MATN4: variants seen among roughly 807,000 people sequenced by gnomAD.
MATN4 encodes the protein matrilin-4.
MATN4 carries 40 observed loss-of-function variants against 54.6 expected under a neutral mutation model. That is an observed-to-expected ratio of 0.73 (90% CI 0.57 to 0.95). MATN4 has a LOEUF of 0.95. MATN4 is among the 40% of genes least tolerant of loss of function. The pLI, the probability that MATN4 is intolerant of heterozygous loss-of-function variation, is 0.00. For missense variants in MATN4, 810 were observed against 819.1 expected, an observed-to-expected ratio of 0.99 and a Z score of 0.13; for synonymous variants, 351 against 345.3, an observed-to-expected ratio of 1.02 and a Z score of -0.18.
chr20:45,300,861 A>G, intron 6 of MATN4, 26 bp downstream of exon 6: 2 of 1,610,804 alleles, frequency 1.2e-6, no homozygotes, highest in Non-Finnish European at 1.7e-6. Context: ...AGAAGCCAAC[A>G]GAACACCCTC....
At chr20:45,301,591 G>A in intron 3 of MATN4, 148 bp from the exon 4 acceptor site, 1 of 780,518 alleles carries the variant, frequency 1.3e-6, no homozygotes, top group East Asian at 2.7e-5. Flanking sequence ...CTGTCCTCAA[G>A]ATGCTCTCTG....
chr20:45,306,998 ACCACCCCC>A, intron 1 of MATN4: 16 of 884,818 alleles, frequency 1.8e-5, no homozygotes, highest in Non-Finnish European at 2.3e-5. Context: ...ACTACGAAGG[ACCACCCCC>A]CCACCCCCTC....
At chr20:45,299,819 A>G (rs1171648064) in intron 6 of MATN4, among the ~76,000 whole-genome samples, 1 of 146,504 alleles carries the variant, frequency 6.8e-6, no homozygotes, top group Non-Finnish European at 1.5e-5. Context: ...CAGAGGTTGC[A>G]GTGAGCCGAC....
rs182444693 is a variant in MATN4 at position 45,306,078 on chromosome 20, T to C, written c.-34-462A>G. Among the ~76,000 whole-genome samples, 6 of 152,028 alleles carry C rather than the reference T, an allele frequency of 3.9e-5. 1 individual carries two copies. The East Asian group carries it at 7.8e-4, about 20-fold the overall frequency. Reference sequence around the variant, plus strand: ...CCTCGGCCTCCCAGAATGCTGGGATTACAGGCGTGAGCCACCGCGCTCGGC... The same window carrying C: ...CCTCGGCCTCCCAGAATGCTGGGATCACAGGCGTGAGCCACCGCGCTCGGC... On this transcript the variant is annotated intron_variant, in intron 1 of 9. Transcript: ENST00000372756.
chr20:45,308,393 T>A, upstream of MATN4: 3 of 609,550 alleles, frequency 4.9e-6, no homozygotes, highest in Non-Finnish European at 8.8e-6. Flanking sequence ...CAGGGAGGGA[T>A]CCCCCCTTCC....
intron 6 of MATN4, among the ~76,000 whole-genome samples, chr20:45,300,522 T>TA (rs1986155680): frequency 6.6e-6 from 1 of 152,274 alleles, no homozygotes; most frequent in East Asian, 1.9e-4. Context: ...CTTTTTTTTT[T>TA]AATGTTGGTT....
At chr20:45,296,418 A>T (rs1261109887) in intron 8 of MATN4, among the ~76,000 whole-genome samples, 2 of 152,146 alleles carry the variant, frequency 1.3e-5, no homozygotes, top group Non-Finnish European at 1.5e-5. Flanking sequence ...ATGTACTATG[A>T]ACAAACTGCT....
At chr20:45,305,344 C>T (rs1386492335) in intron 2 of MATN4, among the ~76,000 whole-genome samples, 166 bp downstream of exon 2, 1 of 152,354 alleles carries the variant, frequency 6.6e-6, no homozygotes, top group East Asian at 1.9e-4. Context: ...CCACATCCTA[C>T]AGATGAAGAA....
chr20:45,298,678 A>G lies in MATN4; in HGVS notation c.1013-95T>C, dbSNP rs764808292. 1 of 987,160 alleles carries G rather than the reference A, an allele frequency of 1.0e-6. No individual in the cohort carries two copies. The highest frequency in any genetic ancestry group is 1.5e-6 in the Non-Finnish European group (1 of 678,366). 61.2% of individuals were successfully genotyped at this position (987,160 alleles called of 1,614,324 possible). On this transcript the variant is annotated intron_variant, in intron 6 of 9. Transcript: ENST00000372756. The surrounding 1 kb of genome is among the most constrained non-coding windows in gnomAD (Gnocchi z 4.6). Reference sequence around the variant, plus strand: ...TCGTTCATTCGCAAACATTTATTATATAACAGACAACATTTCCTGAGTCCT... The same window carrying G: ...TCGTTCATTCGCAAACATTTATTATGTAACAGACAACATTTCCTGAGTCCT...
chr20:45,302,007 CGT>C (rs1164365068), intron 3 of MATN4, among the ~76,000 whole-genome samples: 1 of 151,910 alleles, frequency 6.6e-6, no homozygotes, highest in East Asian at 1.9e-4. Context: ...ATGAGTTTTT[CGT>C]GTGTGTGTGC....
At chr20:45,301,259 C>A in intron 4 of MATN4, 35 bp from the exon 5 acceptor site, 1 of 1,612,232 alleles carries the variant, frequency 6.2e-7, no homozygotes, top group Middle Eastern at 1.7e-4. Flanking sequence ...GATGTTGCCT[C>A]TGATTGGAGC....
intron 3 of MATN4, among the ~76,000 whole-genome samples, chr20:45,302,008 G>A (rs568818120): frequency 7.8e-4 from 118 of 152,048 alleles, no homozygotes; most frequent in Non-Finnish European, 1.4e-3. Context: ...TGAGTTTTTC[G>A]TGTGTGTGTG....
Position 45,301,452 on chromosome 20 carries a change from G to A in MATN4, c.644-9C>T. The A allele has an allele frequency of 6.2e-7, 1 of 1,612,614 alleles. No homozygotes were observed. Among genetic ancestry groups the A allele is most frequent in the East Asian group, 2.2e-5 (1 of 44,874 alleles). ...AGCACACAGATCAATGGCTGAGGAA[G>A]AAATGGGGTCAGTCTATGCCCAGGA... On this transcript the variant is annotated splice_polypyrimidine_tract_variant and intron_variant, in intron 3 of 9. Coordinates refer to ENST00000372756, the MANE Select transcript of MATN4 (RefSeq NM_001393530.1).
intron 8 of MATN4, among the ~76,000 whole-genome samples, chr20:45,297,529 A>C (rs1175492206): frequency 2.0e-5 from 3 of 152,206 alleles, no homozygotes; most frequent in South Asian, 4.1e-4. Flanking sequence ...GTTCAGGGAT[A>C]TATGCTGTGG....
rs1188778500 is a variant in MATN4, at chr20:45,294,004, TGATGCCCTCCTCTGCAA to T, written c.1580-6_1590del. ...GGGCTCCGAAGCTCTGTCCCTGCGC[TGATGCCCTCCTCTGCAA>T]GCCGGACACAGAGGGTCAGGGGGAT... On this transcript the variant is annotated splice_acceptor_variant and splice_polypyrimidine_tract_variant and coding_sequence_variant and intron_variant, in exon 9 of 10. Transcript: ENST00000372756. LOFTEE classifies it high-confidence loss of function. 15 of 1,601,540 alleles carry T rather than the reference TGATGCCCTCCTCTGCAA, an allele frequency of 9.4e-6. No individual in the cohort carries two copies. Among genetic ancestry groups the T allele is most frequent in the Non-Finnish European group, 1.2e-5 (14 of 1,179,546 alleles).
intron 3 of MATN4, 106 bp from the exon 4 acceptor site, chr20:45,301,549 C>A (rs903688989): frequency 8.2e-7 from 1 of 1,212,486 alleles, no homozygotes. Context: ...GGGCCCCAAC[C>A]CCAAAAATCC....
chr20:45,301,471 C>A, intron 3 of MATN4, 28 bp from the exon 4 acceptor site: 1 of 1,605,176 alleles, frequency 6.2e-7, no homozygotes, highest in Non-Finnish European at 8.5e-7. Flanking sequence ...TCAGTCTATG[C>A]CCAGGACTGC....
At chr20:45,301,581 CT>C (rs748548500) in intron 3 of MATN4, 138 bp from the exon 4 acceptor site, 108 of 845,412 alleles carry the variant, frequency 1.3e-4, no homozygotes, top group Non-Finnish European at 1.8e-4. Context: ...GTCAGGGCCC[CT>C]GTCCTCAAGA....
At chr20:45,308,119 G>A (rs772177918) in intron 1 of MATN4, 56 bp downstream of exon 1, 3 of 1,560,120 alleles carry the variant, frequency 1.9e-6, no homozygotes, top group South Asian at 2.2e-5. Flanking sequence ...CGCCTGACCT[G>A]GCTTGATGCC....
Sources: allele counts gnomAD v4.1 joint callset (sites outside exome capture counted in the v4.1 genomes callset), GRCh38; gene constraint gnomAD v4.1.1; non-coding constraint Gnocchi (gnomAD v3.1); transcripts MANE v1.5; gene names NCBI Gene and HGNC (gene_info 2026-07-23, HGNC 2026-07-21).